Variants in MLXIP observed in about 807,000 individuals in gnomAD.
MLXIP encodes the protein MLX interacting protein, also known as MLX-interacting protein.
A neutral mutation model predicts 87.2 loss-of-function variants in MLXIP; 30 were observed. The observed-to-expected ratio is 0.34, with a 90% CI of 0.26 to 0.47. MLXIP has a LOEUF of 0.47. Ranked by LOEUF, MLXIP falls within the 20% of genes least tolerant of loss-of-function variation. MLXIP has a pLI of 1.00. For synonymous variants in MLXIP, 530 were observed against 514.0 expected (o/e 1.03, Z -0.42); for missense variants, 1,002 against 1,240.1 (o/e 0.81, Z 2.88).
intron 8 of MLXIP, chr12:122,132,895 G>A (rs1032673958): frequency 2.3e-5 from 4 of 172,404 alleles, no homozygotes; most frequent in Admixed American, 5.8e-5. Flanking sequence ...AATTGCTACT[G>A]CAGAGACTGG....
chr12:122,088,630 T>C (rs950875903), intron 1 of MLXIP, among the ~76,000 whole-genome samples: 2 of 152,024 alleles, frequency 1.3e-5, no homozygotes, highest in Admixed American at 1.3e-4. Flanking sequence ...CCTGGGGCAG[T>C]TTTCAGGCTT....
At chr12:122,096,774 C>A (rs942201303) in intron 1 of MLXIP, among the ~76,000 whole-genome samples, 2 of 152,182 alleles carry the variant, frequency 1.3e-5, no homozygotes, top group Admixed American at 1.3e-4. Flanking sequence ...GCTGTGACCG[C>A]GGTGTCCCCG....
chr12:122,129,312 TC>T, intron 4 of MLXIP, 86 bp downstream of exon 4: 1 of 1,228,232 alleles, frequency 8.1e-7, no homozygotes, highest in Non-Finnish European at 1.2e-6. Context: ...GGCGGTAGGC[TC>T]CACAGCCGCC....
At chr12:122,107,442 C>T (rs543157972) in intron 1 of MLXIP, among the ~76,000 whole-genome samples, 22 of 152,224 alleles carry the variant, frequency 1.4e-4, no homozygotes, top group African/African-American at 5.1e-4. Context: ...TGAGGCTTGG[C>T]CACAGTGGCC....
chr12:122,107,280 G>T (rs895069282), intron 1 of MLXIP, among the ~76,000 whole-genome samples: 1 of 152,020 alleles, frequency 6.6e-6, no homozygotes, highest in African/African-American at 2.4e-5. Flanking sequence ...GGCTAATAAA[G>T]ACATTTCTGC....
chr12:122,137,969 G>A lies in MLXIP; in HGVS notation c.2155-225G>A, dbSNP rs184937399. ...TGGGATGCACCGGTTCAGCCCTGCC[G>A]TTCCCAGCCCCAGCTGTGCACCATT... is the stretch of plus-strand genomic sequence containing the variant. On this transcript the variant is annotated intron_variant, in intron 12 of 16. Transcript: ENST00000319080. This position sits in a 1 kb window ranked among gnomAD's most constrained non-coding sequence, Gnocchi z 4.1. 2.0e-5 allele frequency among the ~76,000 whole-genome samples: 3 copies of A among 152,296 alleles called. No homozygotes were observed. The East Asian group carries it at 5.8e-4, about 29-fold the overall frequency.
chr12:122,127,022 C>T (rs1469862712), intron 1 of MLXIP, among the ~76,000 whole-genome samples: 1 of 152,144 alleles, frequency 6.6e-6, no homozygotes, highest in Non-Finnish European at 1.5e-5. Context: ...GGCTCCAAGG[C>T]TGCAAAACCC....
intron 1 of MLXIP, among the ~76,000 whole-genome samples, chr12:122,080,416 A>C (rs1282599663): frequency 1.3e-5 from 2 of 152,180 alleles, no homozygotes; most frequent in Non-Finnish European, 2.9e-5. Flanking sequence ...TTTTTAAGAG[A>C]GCTGTGAGCC....
Position 122,141,675 on chromosome 12 carries a change from C to T in MLXIP, c.2639-16C>T, listed in dbSNP as rs1593123520. On this transcript the variant is annotated splice_polypyrimidine_tract_variant and intron_variant, in intron 16 of 16. Coordinates refer to ENST00000319080, the MANE Select transcript of MLXIP (RefSeq NM_014938.6). The stretch of plus-strand genomic sequence containing the variant: ...GTCTGTGTCACTGCCTGTGTCTGAC[C>T]CTTTCTGTCTTGCAGTGGTATTGAG... The T allele has an allele frequency of 6.2e-7, 1 of 1,612,750 alleles. No individual in the cohort carries two copies. The highest frequency in any genetic ancestry group is 8.5e-7 in the Non-Finnish European group (1 of 1,179,366).
At chr12:122,138,681 C>T in intron 14 of MLXIP, 130 bp downstream of exon 14, 5 of 1,493,436 alleles carry the variant, frequency 3.3e-6, no homozygotes, top group Non-Finnish European at 4.5e-6. Flanking sequence ...TGCTCTTTGT[C>T]AACCTCCTTC....
chr12:122,119,654 G>A (rs767796102), intron 1 of MLXIP, among the ~76,000 whole-genome samples: 4 of 152,222 alleles, frequency 2.6e-5, no homozygotes, highest in Non-Finnish European at 5.9e-5. Context: ...GCCTCCCAAA[G>A]TGCTGGGATT....
chr12:122,081,346 G>C (rs1287829319), intron 1 of MLXIP, among the ~76,000 whole-genome samples: 1 of 152,180 alleles, frequency 6.6e-6, no homozygotes, highest in Non-Finnish European at 1.5e-5. Flanking sequence ...GTGTGAGGCT[G>C]GTTTGTCCAG....
In MLXIP at chr12:122,081,887, C is replaced by T. The variant is rs146603015; in HGVS notation, c.413+2621C>T. ...TTCAACTTCCTGTCTGTCCTCTGGC[C>T]TCTTCGTTCTAGCTGTCTAACTCTC... On this transcript the variant is annotated intron_variant, in intron 1 of 16. Coordinates refer to ENST00000319080, the MANE Select transcript of MLXIP (RefSeq NM_014938.6). Among the ~76,000 whole-genome samples, 454 of 152,292 alleles carry T rather than the reference C, an allele frequency of 3.0e-3. 6 individuals carry two copies. Among genetic ancestry groups the T allele is most frequent in the East Asian group, 0.023 (118 of 5,170 alleles).
chr12:122,133,680 T>C lies in MLXIP; in HGVS notation c.1425T>C (p.Ala475=). ...PPTFHQPQKF[A]GVNKAPSVIT... ...CCTTCCATCAGCCACAGAAGTTTGCTGGAGTCAACAAAGCGCCGTCTGTCA... is the reference window on the plus strand; with the variant it reads ...CCTTCCATCAGCCACAGAAGTTTGCCGGAGTCAACAAAGCGCCGTCTGTCA... The change falls in exon 9 of 17, where the codon GCT becomes GCC. Residue 475 remains alanine, a synonymous_variant. Transcript: ENST00000319080. The surrounding 1 kb of genome is among the most constrained non-coding windows in gnomAD (Gnocchi z 4.9). 6.2e-7 allele frequency: 1 copy of C among 1,613,514 alleles called. No homozygotes were observed. Among genetic ancestry groups the C allele is most frequent in the Non-Finnish European group, 8.5e-7 (1 of 1,179,802 alleles).
chr12:122,080,771 A>AT (rs1179061575), intron 1 of MLXIP, among the ~76,000 whole-genome samples: 1 of 152,222 alleles, frequency 6.6e-6, no homozygotes, highest in Non-Finnish European at 1.5e-5. Flanking sequence ...CCAGTCTCTG[A>AT]TTTTGAGCAG....
chr12:122,133,924 A>G lies in MLXIP; in HGVS notation c.1669A>G (p.Ile557Val). Residue 557 changes from isoleucine (I) to valine (V), a missense_variant, in exon 9 of 17, where the codon ATA (isoleucine) becomes GTA (valine). Physicochemically the swap from Ile to Val is conservative, Grantham distance 29. Coordinates refer to ENST00000319080, the MANE Select transcript of MLXIP (RefSeq NM_014938.6). The surrounding 1 kb of genome is among the most constrained non-coding windows in gnomAD (Gnocchi z 4.9). ...GGGCAGGCCTAAGCAGCCCCACAAA[A>G]TAGTGCCTGCTCCCAAACCAGAGCC... ...TGGRPKQPHK[I>V]VPAPKPEPVS... 3.7e-6 allele frequency: 6 copies of G among 1,608,880 alleles called. No individual in the cohort carries two copies. Among genetic ancestry groups the G allele is most frequent in the Non-Finnish European group, 5.1e-6 (6 of 1,177,968 alleles).
chr12:122,099,390 G>A (rs1952402985), intron 1 of MLXIP, among the ~76,000 whole-genome samples: 1 of 152,124 alleles, frequency 6.6e-6, no homozygotes, highest in Non-Finnish European at 1.5e-5. Context: ...CCCAGCTGTT[G>A]CAGCCAGCCT....
chr12:122,103,694 ATTT>A (rs765295584), intron 1 of MLXIP, among the ~76,000 whole-genome samples: 2 of 110,548 alleles, frequency 1.8e-5, no homozygotes, highest in Admixed American at 1.1e-4. Flanking sequence ...TAATTTTTGT[ATTT>A]TTTTTTTTTT....
chr12:122,116,281 G>GTT (rs35251250), intron 1 of MLXIP, among the ~76,000 whole-genome samples: 10 of 151,076 alleles, frequency 6.6e-5, no homozygotes, highest in East Asian at 5.9e-4. Flanking sequence ...TTCAGAATAA[G>GTT]TTTTTTTTTA....
Sources: allele counts gnomAD v4.1 joint callset (sites outside exome capture counted in the v4.1 genomes callset), GRCh38; gene constraint gnomAD v4.1.1; non-coding constraint Gnocchi (gnomAD v3.1); transcripts MANE v1.5; gene names NCBI Gene and HGNC (gene_info 2026-07-23, HGNC 2026-07-21).